The following MSRA variants were observed in gnomAD, a reference collection of about 807,000 sequenced individuals.
MSRA encodes mitochondrial peptide methionine sulfoxide reductase.
Under a neutral mutation model 31.3 loss-of-function variants are expected in MSRA, and 54 were observed. That is an observed-to-expected ratio of 1.73 (90% CI 1.39 to 2.17). MSRA has a LOEUF of 2.17. Ranked by LOEUF, MSRA falls within the 30% of genes most tolerant of loss-of-function variation. MSRA has a pLI of 0.00. For synonymous variants in MSRA, 169 were observed against 116.5 expected (o/e 1.45, Z -2.90); for missense variants, 507 against 300.9 (o/e 1.69, Z -5.07).
intron 1 of MSRA, among the ~76,000 whole-genome samples, chr8:10,191,318 C>G (rs996584069): frequency 6.6e-6 from 1 of 152,158 alleles, no homozygotes; most frequent in African/African-American, 2.4e-5. Flanking sequence ...AAAACCCCAC[C>G]GAAATACAGA....
chr8:10,188,948 T>A (rs1306330435), intron 1 of MSRA, among the ~76,000 whole-genome samples: 1 of 152,222 alleles, frequency 6.6e-6, no homozygotes, highest in Non-Finnish European at 1.5e-5. Context: ...GAACTACAGA[T>A]TAATTTGGAA....
At chr8:10,365,954 G>C (rs945119847) in intron 5 of MSRA, among the ~76,000 whole-genome samples, 1 of 152,182 alleles carries the variant, frequency 6.6e-6, no homozygotes, top group Non-Finnish European at 1.5e-5. Context: ...GCTGCAGGAC[G>C]ACCTTCATTC....
At chr8:10,211,428 A>G (rs1200061162) in intron 2 of MSRA, among the ~76,000 whole-genome samples, 2 of 152,060 alleles carry the variant, frequency 1.3e-5, no homozygotes, top group Admixed American at 1.3e-4. Flanking sequence ...GGACAATGAG[A>G]ACGAAGGTAA....
intron 1 of MSRA, among the ~76,000 whole-genome samples, chr8:10,076,687 G>A (rs1798010215): frequency 6.6e-6 from 1 of 152,140 alleles, no homozygotes; most frequent in Non-Finnish European, 1.5e-5. Flanking sequence ...GAGGCTGGGA[G>A]GTTCCCTTAC....
At chr8:10,147,737 C>G (rs976549709) in intron 1 of MSRA, among the ~76,000 whole-genome samples, 2 of 152,138 alleles carry the variant, frequency 1.3e-5, no homozygotes, top group African/African-American at 4.8e-5. Context: ...GCAGGGAAGC[C>G]CATGCTGCCT....
intron 5 of MSRA, among the ~76,000 whole-genome samples, chr8:10,362,392 C>T (rs1292222424): frequency 4.1e-5 from 6 of 144,664 alleles, no homozygotes; most frequent in Non-Finnish European, 1.5e-5. Context: ...TTGTTGAGGA[C>T]ACGTTTCTTG....
chr8:10,058,047 A>G (rs1325581542), intron 1 of MSRA, among the ~76,000 whole-genome samples: 2 of 152,236 alleles, frequency 1.3e-5, no homozygotes, highest in African/African-American at 4.8e-5. Context: ...CTGTCCTTTA[A>G]AATAACTTTG....
At chr8:10,119,876 A>G (rs1800979881) in intron 1 of MSRA, among the ~76,000 whole-genome samples, 1 of 152,208 alleles carries the variant, frequency 6.6e-6, no homozygotes, top group Non-Finnish European at 1.5e-5. Context: ...ACTATTTACA[A>G]AGGTGTGGTC....
chr8:10,286,800 A>G (rs10903322), intron 3 of MSRA, among the ~76,000 whole-genome samples: 152,165 of 152,356 alleles, frequency 1, 75,988 homozygotes, highest in Middle Eastern at 1. Flanking sequence ...TGGCCTGTCC[A>G]GCTGGGACAG....
At position 10,248,613 on chromosome 8, in the gene MSRA, G is replaced by C. The variant is rs189243531; in HGVS notation, c.331+3390G>C. ...TGTAGAAGCAGTGTGTGTCCAGAGA[G>C]GGTGTGGATTCATATCCGAATGGTA... On this transcript the variant is annotated intron_variant, in intron 3 of 5. Coordinates refer to ENST00000317173, the MANE Select transcript of MSRA (RefSeq NM_012331.5). Among the ~76,000 whole-genome samples the C allele has an allele frequency of 1.0e-3, 158 of 152,324 alleles. No individual in the cohort carries two copies. The East Asian group carries it at 0.021, about 20-fold the overall frequency.
At chr8:10,097,110 CAT>C (rs747832826) in intron 1 of MSRA, among the ~76,000 whole-genome samples, 7 of 152,158 alleles carry the variant, frequency 4.6e-5, no homozygotes, top group South Asian at 4.1e-4. Context: ...AATTGTTTCA[CAT>C]GTTTTTTATA....
At chr8:10,279,514 C>A (rs536011970) in intron 3 of MSRA, among the ~76,000 whole-genome samples, 1 of 152,296 alleles carries the variant, frequency 6.6e-6, no homozygotes, top group Non-Finnish European at 1.5e-5. Context: ...CACCCTACCC[C>A]CCACACGCCT....
At chr8:10,237,249 A>T (rs1256059619) in intron 2 of MSRA, among the ~76,000 whole-genome samples, 3 of 152,198 alleles carry the variant, frequency 2.0e-5, no homozygotes, top group Non-Finnish European at 4.4e-5. Context: ...GTGGAGCGCA[A>T]AGCTCCAGCC....
intron 1 of MSRA, among the ~76,000 whole-genome samples, chr8:10,112,724 G>A (rs954790547): frequency 1.3e-5 from 2 of 152,174 alleles, no homozygotes; most frequent in Non-Finnish European, 2.9e-5. Context: ...GAAAAACACA[G>A]AGACCTATGG....
intron 3 of MSRA, among the ~76,000 whole-genome samples, chr8:10,262,745 G>C (rs1439472877): frequency 6.6e-6 from 1 of 152,152 alleles, no homozygotes; most frequent in Non-Finnish European, 1.5e-5. Context: ...AGTAGTTCTG[G>C]GAAGGTGAAT....
At chr8:10,394,677 C>T (rs538524946) in intron 5 of MSRA, among the ~76,000 whole-genome samples, 16 of 152,234 alleles carry the variant, frequency 1.1e-4, no homozygotes, top group Non-Finnish European at 2.4e-4. Context: ...GCCACGCTTC[C>T]GCTGTGCTCA....
chr8:10,381,182 C>T (rs1806047579), intron 5 of MSRA, among the ~76,000 whole-genome samples: 1 of 152,184 alleles, frequency 6.6e-6, no homozygotes, highest in African/African-American at 2.4e-5. Context: ...TGACCCTCTA[C>T]CTAACACAGC....
chr8:10,236,486 GTATT>G (rs1266334996), intron 2 of MSRA, among the ~76,000 whole-genome samples: 4 of 152,158 alleles, frequency 2.6e-5, no homozygotes, highest in Non-Finnish European at 5.9e-5. Context: ...AGAAAAAACA[GTATT>G]TATAACAGCA....
intron 5 of MSRA, among the ~76,000 whole-genome samples, chr8:10,328,404 C>G (rs1236881848): frequency 6.6e-6 from 1 of 151,984 alleles, no homozygotes; most frequent in Non-Finnish European, 1.5e-5. Flanking sequence ...AAAGACATCC[C>G]CACTGTGCTC....
Sources: gnomAD v4.1 joint callset for allele counts (sites outside exome capture counted in the v4.1 genomes callset) on GRCh38, gnomAD v4.1.1 for gene constraint, MANE v1.5 for transcripts, NCBI Gene and HGNC (gene_info 2026-07-23, HGNC 2026-07-21) for gene names.